The following MTUS2 variants were observed in gnomAD, a reference collection of about 807,000 sequenced individuals.
The protein encoded by MTUS2 is microtubule associated scaffold protein 2, also known as microtubule-associated tumor suppressor candidate 2.
Under a neutral mutation model 114.1 loss-of-function variants are expected in MTUS2, and 40 were observed. That is an observed-to-expected ratio of 0.35 (90% confidence interval 0.27 to 0.46). The LOEUF is 0.46. MTUS2 is among the 20% of genes least tolerant of loss of function. The probability of loss-of-function intolerance (pLI) is 1.00; values close to 1 mark genes in which losing one functional copy is unlikely to be tolerated. For synonymous variants in MTUS2, 688 were observed against 672.0 expected (o/e 1.02, Z -0.37); for missense variants, 1,679 against 1,705.4 (o/e 0.98, Z 0.27).
At chr13:29,458,626 C>A (rs949619923) in intron 9 of MTUS2, among the ~76,000 whole-genome samples, 1 of 152,208 alleles carries the variant, frequency 6.6e-6, no homozygotes, top group Non-Finnish European at 1.5e-5. Flanking sequence ...CCACTCTCTC[C>A]CAATCTCTAG....
chr13:29,302,052 T>C (rs779461049), intron 6 of MTUS2, among the ~76,000 whole-genome samples: 8 of 152,268 alleles, frequency 5.3e-5, no homozygotes, highest in African/African-American at 1.7e-4. Context: ...ACATTAGAAA[T>C]TGGATTTCGG....
chr13:29,170,436 C>A (rs1296168051), intron 5 of MTUS2, among the ~76,000 whole-genome samples: 2 of 152,152 alleles, frequency 1.3e-5, no homozygotes, highest in Non-Finnish European at 2.9e-5. Context: ...TAGTAACAGG[C>A]CACTTTTTAT....
intron 11 of MTUS2, among the ~76,000 whole-genome samples, chr13:29,488,561 T>C (rs1260027239): frequency 1.3e-5 from 2 of 151,214 alleles, no homozygotes; most frequent in Non-Finnish European, 2.9e-5. Flanking sequence ...CAGCCCCAGC[T>C]GGAGCCTCCA....
intron 6 of MTUS2, among the ~76,000 whole-genome samples, chr13:29,314,759 T>A (rs1899917020): frequency 6.6e-6 from 1 of 152,216 alleles, no homozygotes; most frequent in South Asian, 2.1e-4. Flanking sequence ...CAGAAAGGTA[T>A]CAGTACAGAA....
chr13:29,229,729 A>T (rs1896249981), intron 5 of MTUS2, among the ~76,000 whole-genome samples: 1 of 152,140 alleles, frequency 6.6e-6, no homozygotes, highest in Non-Finnish European at 1.5e-5. Context: ...AAATTTCTGA[A>T]CTCTTTCCTG....
chr13:29,498,852 T>G (rs1882715864), intron 14 of MTUS2, among the ~76,000 whole-genome samples: 2 of 152,162 alleles, frequency 1.3e-5, no homozygotes, highest in Non-Finnish European at 2.9e-5. Context: ...CAATGCAGCA[T>G]CCCTGATGCC....
intron 5 of MTUS2, among the ~76,000 whole-genome samples, chr13:29,207,609 T>G (rs2139266839): frequency 6.6e-6 from 1 of 152,256 alleles, no homozygotes; most frequent in African/African-American, 2.4e-5. Flanking sequence ...TCTATGCTAA[T>G]TTTGCTGAGG....
intron 5 of MTUS2, among the ~76,000 whole-genome samples, chr13:29,221,354 T>C (rs1895900875): frequency 6.6e-6 from 1 of 152,258 alleles, no homozygotes; most frequent in South Asian, 2.1e-4. Context: ...CCCAGCACTG[T>C]GTAAGTAGTT....
At chr13:29,473,972 A>G (rs1880506970) in intron 9 of MTUS2, among the ~76,000 whole-genome samples, 1 of 152,234 alleles carries the variant, frequency 6.6e-6, no homozygotes, top group African/African-American at 2.4e-5. Context: ...CTGAAGGTTT[A>G]CTAGAGGCAA....
At position 29,480,474 on chromosome 13, in the gene MTUS2, A is replaced by G; in HGVS notation, c.3399+110A>G. On this transcript the variant is annotated intron_variant, in intron 10 of 15. Coordinates refer to ENST00000612955, the MANE Select transcript of MTUS2 (RefSeq NM_001033602.4). This position sits in a 1 kb window ranked among gnomAD's most constrained non-coding sequence, Gnocchi z 4.4. ...TCCTATTCAGTAGGTGAGCTTTCTG[A>G]ACAGTTCACTTTCTGAGTTGCTTTC... 8.4e-7 allele frequency: 1 copy of G among 1,186,556 alleles called. No homozygotes were observed. Among genetic ancestry groups the G allele is most frequent in the Non-Finnish European group, 1.2e-6 (1 of 869,090 alleles). 73.5% of individuals were successfully genotyped at this position (1,186,556 alleles called of 1,614,324 possible). A position where few individuals can be genotyped will look rare whatever the true frequency, so the allele number is the denominator to read the frequency against.
Position 29,504,076 on chromosome 13 carries a change from T to C in MTUS2, c.*870T>C, listed in dbSNP as rs1317631524. ...CTCAGACTCGGTCATTAAGCTATTG[T>C]TGCACCCTCCGGAAAACATGGCAGA... is the stretch of plus-strand genomic sequence containing the variant. On this transcript the variant is annotated 3_prime_UTR_variant, in exon 16 of 16. Transcript: ENST00000612955. 8.6e-6 allele frequency: 2 copies of C among 231,652 alleles called. No individual in the cohort carries two copies. The highest frequency in any genetic ancestry group is 1.7e-5 in the Non-Finnish European group (2 of 117,154). The allele number at this position is 231,652 out of a possible 1,614,324, so 14.3% of individuals were successfully genotyped here.
chr13:29,437,299 C>T (rs1593442174), intron 8 of MTUS2, among the ~76,000 whole-genome samples: 1 of 152,314 alleles, frequency 6.6e-6, no homozygotes, highest in South Asian at 2.1e-4. Flanking sequence ...GACTGATAAG[C>T]ATACTATTTC....
chr13:29,265,129 T>TA (rs59598049), intron 5 of MTUS2, among the ~76,000 whole-genome samples: 2,798 of 152,328 alleles, frequency 0.018, 101 homozygotes, highest in African/African-American at 0.064. Flanking sequence ...CGCTATACCT[T>TA]AGACACTTTG....
chr13:29,071,108 G>A (rs558415099), intron 4 of MTUS2, among the ~76,000 whole-genome samples: 10 of 151,490 alleles, frequency 6.6e-5, no homozygotes, highest in South Asian at 2.1e-4. Flanking sequence ...GGGTTCAAGC[G>A]ATTCTCCTGC....
At chr13:28,856,748 T>C (rs1270641734) in intron 2 of MTUS2, among the ~76,000 whole-genome samples, 1 of 152,188 alleles carries the variant, frequency 6.6e-6, no homozygotes, top group East Asian at 1.9e-4. Context: ...ATTTAAAAAA[T>C]GACTACTTTT....
chr13:29,008,093 A>T (rs1885678417), intron 2 of MTUS2, among the ~76,000 whole-genome samples: 1 of 152,150 alleles, frequency 6.6e-6, no homozygotes, highest in Admixed American at 6.5e-5. Context: ...GCTGCCCAAT[A>T]GCCATTTCCT....
chr13:28,994,993 T>C (rs9506066), intron 2 of MTUS2, among the ~76,000 whole-genome samples: 67,064 of 151,968 alleles, frequency 0.44, 15,427 homozygotes, highest in East Asian at 0.68. Flanking sequence ...ATGTCCTGAA[T>C]GGTATTGCCT....
intron 2 of MTUS2, among the ~76,000 whole-genome samples, chr13:28,981,284 A>G (rs894710975): frequency 1.3e-5 from 2 of 152,262 alleles, no homozygotes; most frequent in African/African-American, 4.8e-5. Context: ...AAAATGAGAA[A>G]AAGGAAAAAG....
intron 4 of MTUS2, among the ~76,000 whole-genome samples, chr13:29,036,328 T>G (rs1425280328): frequency 6.6e-6 from 1 of 152,248 alleles, no homozygotes; most frequent in Non-Finnish European, 1.5e-5. Context: ...GAAGAAACAG[T>G]TGGCACTTTT....
Sources: allele counts gnomAD v4.1 joint callset (sites outside exome capture counted in the v4.1 genomes callset), GRCh38; gene constraint gnomAD v4.1.1; non-coding constraint Gnocchi (gnomAD v3.1); transcripts MANE v1.5; gene names NCBI Gene and HGNC (gene_info 2026-07-23, HGNC 2026-07-21).